The following AFAP1L2 variants were observed in gnomAD, a reference collection of about 807,000 sequenced individuals.
The protein encoded by AFAP1L2 is actin filament associated protein 1 like 2, also known as actin filament-associated protein 1-like 2.
AFAP1L2 carries 46 observed loss-of-function variants against 99.3 expected under a neutral mutation model. The ratio of observed to expected loss-of-function variants is 0.46; its 90% confidence interval spans 0.37 to 0.59. The LOEUF is 0.59. AFAP1L2 is among the 20% of genes least tolerant of loss of function. The pLI is 0.00. For synonymous variants in AFAP1L2, 397 were observed against 419.1 expected, an observed-to-expected ratio of 0.95 and a Z score of 0.64; for missense variants, 959 against 1,034.9, an observed-to-expected ratio of 0.93 and a Z score of 1.01.
intron 2 of AFAP1L2, among the ~76,000 whole-genome samples, chr10:114,336,956 A>G (rs911701418): frequency 6.6e-6 from 1 of 152,226 alleles, no homozygotes; most frequent in African/African-American, 2.4e-5. Flanking sequence ...ATCCTGCCCA[A>G]AATGTGTGGA....
At chr10:114,282,703 T>TG in the AFAP1L2 span, 4 of 733,488 alleles carry the variant, frequency 5.5e-6, no homozygotes, top group Non-Finnish European at 4.9e-6. Context: ...ATGGGGCACT[T>TG]GGGGGGCAGA....
At chr10:114,297,683 G>T (rs2040474367) in intron 16 of AFAP1L2, among the ~76,000 whole-genome samples, 1 of 152,210 alleles carries the variant, frequency 6.6e-6, no homozygotes, top group African/African-American at 2.4e-5. Flanking sequence ...CTTCTTGTAG[G>T]TTCTCAGAGA....
At chr10:114,331,756 C>T (rs1274502869) in intron 4 of AFAP1L2, 47 bp downstream of exon 4, 2 of 1,277,178 alleles carry the variant, frequency 1.6e-6, no homozygotes, top group East Asian at 6.3e-5. Flanking sequence ...ACTGGAAGTT[C>T]AAGGGGCTCA....
At chr10:114,310,952 G>GCCCCCCC (rs1554887399) in intron 7 of AFAP1L2, among the ~76,000 whole-genome samples, 27 of 133,822 alleles carry the variant, frequency 2.0e-4, no homozygotes, top group Non-Finnish European at 2.7e-4. Context: ...CTCGCCTGCC[G>GCCCCCCC]CCACCCACCC....
chr10:114,312,792 A>G (rs1217054733), intron 7 of AFAP1L2, among the ~76,000 whole-genome samples: 1 of 152,004 alleles, frequency 6.6e-6, no homozygotes, highest in African/African-American at 2.4e-5. Context: ...TCTACATACC[A>G]CTGTCTTTCA....
chr10:114,374,771 A>C (rs1289631207), intron 1 of AFAP1L2, among the ~76,000 whole-genome samples: 1 of 141,584 alleles, frequency 7.1e-6, no homozygotes, highest in Non-Finnish European at 1.5e-5. Flanking sequence ...TCCTGAAGAA[A>C]CTCTTTCCTA....
rs1190631748 is a variant in AFAP1L2 at position 114,331,849 on chromosome 10, G to A, written c.269C>T (p.Ser90Phe). 7.2e-7 allele frequency: 1 copy of A among 1,396,578 alleles called. No homozygotes were observed. Among genetic ancestry groups the A allele is most frequent in the Non-Finnish European group, 9.4e-7 (1 of 1,066,844 alleles). The allele number at this position is 1,396,578 out of a possible 1,614,324, so 86.5% of individuals were successfully genotyped here. A position where few individuals can be genotyped will look rare whatever the true frequency, so the allele number is the denominator to read the frequency against. Residue 90 changes from serine (S) to phenylalanine (F), a missense_variant, in exon 4 of 19, where the codon TCC (serine) becomes TTC (phenylalanine). By Grantham distance (155) the Ser-to-Phe change is radical (BLOSUM62 -2). This residue lies in a region of AFAP1L2 where 383 missense variants were observed against 472.8 expected (regional missense o/e 0.81). Transcript: ENST00000304129. ...LLPNGEPSQH[S>F]SAPQKSLPDL... is the part of the protein sequence containing the mutation. ...TGGAAGGCTCTTCTGAGGGGCCGAG[G>A]AGTGCTGGCTGGGCTCCCCATTGGG...
chr10:114,303,936 T>C (rs75143250), intron 11 of AFAP1L2, among the ~76,000 whole-genome samples: 69 of 152,316 alleles, frequency 4.5e-4, no homozygotes, highest in Non-Finnish European at 7.2e-4. Flanking sequence ...CTGGGTAATT[T>C]GCTGAATAAC....
chr10:114,346,319 CAT>C (rs1300936679), intron 1 of AFAP1L2, among the ~76,000 whole-genome samples: 1 of 152,160 alleles, frequency 6.6e-6, no homozygotes, highest in East Asian at 1.9e-4. Context: ...ACCAGTTGCG[CAT>C]AGTCGTCTGG....
intron 1 of AFAP1L2, 33 bp from the exon 2 acceptor site, chr10:114,340,764 G>A: frequency 6.2e-7 from 1 of 1,613,944 alleles, no homozygotes; most frequent in Non-Finnish European, 8.5e-7. Flanking sequence ...ACTTATAGTG[G>A]CTGCCCGCTC....
chr10:114,330,721 A>C (rs1482330002), intron 4 of AFAP1L2, among the ~76,000 whole-genome samples: 1 of 152,212 alleles, frequency 6.6e-6, no homozygotes, highest in Non-Finnish European at 1.5e-5. Context: ...ATATGATTTT[A>C]CAACTCCATC....
chr10:114,305,016 CACAGAT>C, intron 10 of AFAP1L2, 86 bp from the exon 11 acceptor site: 1 of 406,436 alleles, frequency 2.5e-6, no homozygotes. Context: ...CGGGAGGGCA[CACAGAT>C]GCAGGAGGGG....
chr10:114,291,228 A>G, downstream of AFAP1L2: 1 of 1,550,420 alleles, frequency 6.4e-7, no homozygotes, highest in Non-Finnish European at 8.7e-7. Flanking sequence ...GATTCTTGAG[A>G]CGCCCCTGAG....
intron 1 of AFAP1L2, among the ~76,000 whole-genome samples, chr10:114,359,555 A>G (rs1189223204): frequency 1.3e-5 from 2 of 152,226 alleles, no homozygotes; most frequent in Non-Finnish European, 2.9e-5. Context: ...AGTTCTGCTC[A>G]TCAGAATGAG....
At chr10:114,313,075 T>G (rs1268607715) in intron 7 of AFAP1L2, among the ~76,000 whole-genome samples, 3 of 132,504 alleles carry the variant, frequency 2.3e-5, no homozygotes, top group African/African-American at 2.9e-5. Flanking sequence ...GGGTGCGGGG[T>G]GGATAGAACG....
intron 4 of AFAP1L2, among the ~76,000 whole-genome samples, chr10:114,327,157 A>ATATATATATATATT (rs2046446371): frequency 1.3e-5 from 1 of 79,976 alleles, no homozygotes; most frequent in South Asian, 4.0e-4. Context: ...TTATATATAT[A>ATATATATATATATT]TATATATATA....
chr10:114,296,713 C>G, intron 18 of AFAP1L2: 1 of 446,250 alleles, frequency 2.2e-6, no homozygotes, highest in Admixed American at 3.5e-5. Context: ...TGGAATCTAC[C>G]CATAGCTGTG....
chr10:114,282,607 G>A, the AFAP1L2 span: 1 of 1,585,882 alleles, frequency 6.3e-7, no homozygotes, highest in Non-Finnish European at 8.7e-7. Flanking sequence ...GGTTCTTTCA[G>A]GGCCCTGGGC....
chr10:114,368,209 C>T (rs188695010), intron 1 of AFAP1L2, among the ~76,000 whole-genome samples: 3 of 152,224 alleles, frequency 2.0e-5, no homozygotes, highest in Non-Finnish European at 4.4e-5. Flanking sequence ...AGCCAAATAC[C>T]GCATGATCTG....
Sources: allele counts gnomAD v4.1 joint callset (sites outside exome capture counted in the v4.1 genomes callset), GRCh38; gene constraint gnomAD v4.1.1; regional missense constraint gnomAD v4.1.1; transcripts MANE v1.5; gene names NCBI Gene and HGNC (gene_info 2026-07-23, HGNC 2026-07-21).